Variants in ADAM19 observed in about 807,000 individuals in gnomAD.
The protein encoded by ADAM19 is disintegrin and metalloproteinase domain-containing protein 19.
A neutral mutation model predicts 114.7 loss-of-function variants in ADAM19; 65 were observed. That is an observed-to-expected ratio of 0.57 (90% CI 0.46 to 0.70). The LOEUF (loss-of-function observed/expected upper bound fraction) is 0.70. Ranked by LOEUF, ADAM19 falls within the 30% of genes least tolerant of loss-of-function variation. The probability of loss-of-function intolerance (pLI) is 0.00; values close to 1 mark genes in which losing one functional copy is unlikely to be tolerated. For synonymous variants in ADAM19, 466 were observed against 460.5 expected, an observed-to-expected ratio of 1.01 and a Z score of -0.15; for missense variants, 1,063 against 1,204.7, an observed-to-expected ratio of 0.88 and a Z score of 1.74.
Position 157,477,559 on chromosome 5 carries a change from T to G in ADAM19, c.*3390A>C, listed in dbSNP as rs1456957519. On this transcript the variant is annotated 3_prime_UTR_variant, in exon 23 of 23. Transcript: ENST00000257527. The stretch of plus-strand genomic sequence containing the variant: ...CGCGTTGGGGGTGACTTTGGAAATG[T>G]GGGCTTGGATTCTACAGAACCTCTC... 2.5e-6 allele frequency: 3 copies of G among 1,191,880 alleles called. No individual in the cohort carries two copies. Among genetic ancestry groups the G allele is most frequent in the Non-Finnish European group, 2.1e-6 (2 of 937,616 alleles). The allele number at this position is 1,191,880 out of a possible 1,614,324, so 73.8% of individuals were successfully genotyped here. A position where few individuals can be genotyped will look rare whatever the true frequency, so the allele number is the denominator to read the frequency against.
At chr5:157,564,996 G>A (rs775442795) in intron 2 of ADAM19, among the ~76,000 whole-genome samples, 37 of 152,262 alleles carry the variant, frequency 2.4e-4, no homozygotes, top group South Asian at 1.9e-3. Flanking sequence ...GATCCTCTTC[G>A]TAGTGGGTTC....
chr5:157,565,280 A>C (rs1363613984), intron 2 of ADAM19, among the ~76,000 whole-genome samples: 2 of 152,234 alleles, frequency 1.3e-5, no homozygotes, highest in Admixed American at 6.5e-5. Context: ...GAAAAAAATC[A>C]AAGTGCCAGA....
intron 3 of ADAM19, among the ~76,000 whole-genome samples, chr5:157,559,680 G>C (rs1381804863): frequency 1.3e-5 from 2 of 151,746 alleles, no homozygotes; most frequent in African/African-American, 4.8e-5. Flanking sequence ...GTAGTCTCAG[G>C]ACATGGGGAA....
chr5:157,556,276 T>C (rs1378065147), intron 3 of ADAM19, among the ~76,000 whole-genome samples: 1 of 130,524 alleles, frequency 7.7e-6, no homozygotes, highest in African/African-American at 2.9e-5. Flanking sequence ...TGGAGTGCAG[T>C]GGCACAATCT....
chr5:157,572,070 G>A (rs1262201987), intron 1 of ADAM19, among the ~76,000 whole-genome samples: 2 of 151,936 alleles, frequency 1.3e-5, no homozygotes, highest in South Asian at 2.1e-4. Flanking sequence ...ACCCTGGGAA[G>A]TAGGAAGTAG....
At chr5:157,514,302 G>C (rs1756026216) in intron 7 of ADAM19, among the ~76,000 whole-genome samples, 1 of 151,484 alleles carries the variant, frequency 6.6e-6, no homozygotes, top group Non-Finnish European at 1.5e-5. Context: ...AGAATTATGA[G>C]ACTGCATCGA....
intron 21 of ADAM19, among the ~76,000 whole-genome samples, 178 bp from the exon 22 acceptor site, chr5:157,482,121 C>T (rs1339991294): frequency 6.6e-6 from 1 of 152,214 alleles, no homozygotes; most frequent in Admixed American, 6.5e-5. Flanking sequence ...GGAGAGCAAG[C>T]TGGCAGTATC....
At chr5:157,483,808 A>G (rs1214248008) in intron 21 of ADAM19, among the ~76,000 whole-genome samples, 1 of 151,832 alleles carries the variant, frequency 6.6e-6, no homozygotes, top group Non-Finnish European at 1.5e-5. Context: ...TAATTTTTGT[A>G]TTTTTAGTAG....
At chr5:157,511,490 C>T (rs578007228) in intron 8 of ADAM19, among the ~76,000 whole-genome samples, 5 of 152,160 alleles carry the variant, frequency 3.3e-5, no homozygotes, top group African/African-American at 1.2e-4. Flanking sequence ...CTCCAAGAAA[C>T]GCTGGTCAAG....
chr5:157,477,763 A>G lies in ADAM19; in HGVS notation c.*3186T>C. The G allele has an allele frequency of 7.8e-7, 1 of 1,278,174 alleles. No individual in the cohort carries two copies. The highest frequency in any genetic ancestry group is 1.2e-5 in the South Asian group (1 of 80,772). The allele number at this position is 1,278,174 out of a possible 1,614,324, so 79.2% of individuals were successfully genotyped here. ...GTCAAATAAGAATAAATTAGGAAGT[A>G]GGCAGGGAGAGACTTCCAATAAAGA... On this transcript the variant is annotated 3_prime_UTR_variant, in exon 23 of 23. Coordinates refer to ENST00000257527, the MANE Select transcript of ADAM19 (RefSeq NM_033274.5).
chr5:157,513,083 T>C (rs1755971329), intron 8 of ADAM19, among the ~76,000 whole-genome samples: 1 of 152,200 alleles, frequency 6.6e-6, no homozygotes, highest in African/African-American at 2.4e-5. Flanking sequence ...CTTAGAGCAG[T>C]CTGTTTTCAT....
chr5:157,556,032 T>A (rs1309859677), intron 3 of ADAM19, among the ~76,000 whole-genome samples: 1 of 151,982 alleles, frequency 6.6e-6, no homozygotes, highest in Non-Finnish European at 1.5e-5. Flanking sequence ...GATCTTTGAT[T>A]TTGTTGTTGT....
In ADAM19 at chr5:157,499,648, G is replaced by A. The variant is rs752916619; in HGVS notation, c.1323C>T (p.Pro441=). 2.5e-6 allele frequency: 4 copies of A among 1,611,518 alleles called. No homozygotes were observed. In the African/African-American group the frequency reaches 5.3e-5, roughly 22 times the overall value. The change falls in exon 13 of 23, where the codon CCC becomes CCT. Residue 441 remains proline, a synonymous_variant. Coordinates refer to ENST00000257527, the MANE Select transcript of ADAM19 (RefSeq NM_033274.5). ...DCGEEEECNN[P]CCNASNCTLR... ...GGGTACAATTAGAGGCATTGCAGCA[G>A]GGGTTGTTACATTCCTGGGGAGGCA...
intron 8 of ADAM19, among the ~76,000 whole-genome samples, chr5:157,512,496 C>A (rs1225452787): frequency 6.6e-6 from 1 of 152,024 alleles, no homozygotes. Context: ...ACTTTTGATC[C>A]CAAACACATG....
chr5:157,479,689 T>A lies in ADAM19; in HGVS notation c.*1260A>T, dbSNP rs1276654295. On this transcript the variant is annotated 3_prime_UTR_variant, in exon 23 of 23. Transcript: ENST00000257527. ...AGGAAGTGAATGACAAAAAGCTGGGTTGAGGAAGAGGCTCCCTGCTCTGAC... is the reference window on the plus strand; with the variant it reads ...AGGAAGTGAATGACAAAAAGCTGGGATGAGGAAGAGGCTCCCTGCTCTGAC... 2 of 985,880 alleles carry A rather than the reference T, an allele frequency of 2.0e-6. No homozygotes were observed. The highest frequency in any genetic ancestry group is 4.7e-5 in the South Asian group (1 of 21,282). 61.1% of individuals were successfully genotyped at this position (985,880 alleles called of 1,614,324 possible).
chr5:157,547,093 A>C (rs1757070072), intron 3 of ADAM19, among the ~76,000 whole-genome samples: 1 of 152,182 alleles, frequency 6.6e-6, no homozygotes, highest in African/African-American at 2.4e-5. Context: ...GCGTTATGGA[A>C]AGAGTACAGG....
At position 157,478,111 on chromosome 5, in the gene ADAM19, G is replaced by C. The variant is rs988797194; in HGVS notation, c.*2838C>G. 1.3e-5 allele frequency: 2 copies of C among 157,456 alleles called. No homozygotes were observed. Among genetic ancestry groups the C allele is most frequent in the Middle Eastern group, 3.3e-3 (1 of 306 alleles). The allele number at this position is 157,456 out of a possible 1,614,324, so 9.8% of individuals were successfully genotyped here. On this transcript the variant is annotated 3_prime_UTR_variant, in exon 23 of 23. Coordinates refer to ENST00000257527, the MANE Select transcript of ADAM19 (RefSeq NM_033274.5). ...AAGGCCCTTAAAAAAAAATTCTTGGGTTGTAAAATTGGCAGGAGGTTAATT... is the reference window on the plus strand; with the variant it reads ...AAGGCCCTTAAAAAAAAATTCTTGGCTTGTAAAATTGGCAGGAGGTTAATT...
At chr5:157,563,331 G>A (rs1202017912) in intron 3 of ADAM19, among the ~76,000 whole-genome samples, 1 of 152,332 alleles carries the variant, frequency 6.6e-6, no homozygotes, top group Non-Finnish European at 1.5e-5. Flanking sequence ...TGCACAAGCT[G>A]TGAGTTGTAT....
intron 21 of ADAM19, among the ~76,000 whole-genome samples, 185 bp downstream of exon 21, chr5:157,488,080 T>C (rs10475585): frequency 0.3 from 45,441 of 152,030 alleles, 7,368 homozygotes; most frequent in East Asian, 0.72. Context: ...TAGGAGCTTC[T>C]TAGAGAGTCT....
Sources: gnomAD v4.1 joint callset for allele counts (sites outside exome capture counted in the v4.1 genomes callset) on GRCh38, gnomAD v4.1.1 for gene constraint, MANE v1.5 for transcripts, NCBI Gene and HGNC (gene_info 2026-07-23, HGNC 2026-07-21) for gene names.